Variants in SELENOO observed in about 807,000 individuals in gnomAD.
SELENOO encodes protein adenylyltransferase SelO, mitochondrial.
SELENOO carries 74 observed loss-of-function variants against 58.7 expected under a neutral mutation model. The observed-to-expected ratio is 1.26, with a 90% CI of 1.04 to 1.53. The LOEUF (loss-of-function observed/expected upper bound fraction) is 1.53, where lower values mean the gene tolerates loss of function less well. SELENOO is among the 40% of genes most tolerant of loss of function. The pLI, the probability that SELENOO is intolerant of heterozygous loss-of-function variation, is 0.00. For missense variants in SELENOO, 1,149 were observed against 970.0 expected (o/e 1.18, Z -2.45); for synonymous variants, 543 against 453.2 (o/e 1.20, Z -2.52).
intron 1 of SELENOO, among the ~76,000 whole-genome samples, chr22:50,201,949 A>G (rs754581707): frequency 1.3e-5 from 2 of 152,182 alleles, no homozygotes; most frequent in Non-Finnish European, 2.9e-5. Context: ...TCGCTCTGCG[A>G]CTGACTTCAC....
intron 8 of SELENOO, 35 bp downstream of exon 8, chr22:50,217,163 G>A: frequency 6.2e-7 from 1 of 1,611,050 alleles, no homozygotes; most frequent in South Asian, 1.1e-5. Flanking sequence ...TCCCTGGGAG[G>A]GGGGTCGGCC....
intron 1 of SELENOO, chr22:50,206,040 G>A (rs1049928177): frequency 1.3e-5 from 7 of 524,706 alleles, no homozygotes; most frequent in South Asian, 6.1e-5. Context: ...CTTCTGCTGC[G>A]GAACCCTCGT....
Position 50,206,410 on chromosome 22 carries a change from C to T in SELENOO, c.648C>T (p.Ala216=), listed in dbSNP as rs1030243646. Residue 216 remains alanine (A), a synonymous_variant, in exon 2 of 9, where the codon GCC becomes GCT. Coordinates refer to ENST00000380903, the MANE Select transcript of SELENOO (RefSeq NM_031454.2). The part of the protein sequence containing the change: ...MFHLGVPTTR[A]GACVTSESTV... ...ACCTGGGAGTCCCCACCACACGGGC[C>T]GGCGCCTGCGTCACGTCCGAGTCCA... The T allele has an allele frequency of 8.1e-6, 13 of 1,614,022 alleles. No homozygotes were observed. The highest frequency in any genetic ancestry group is 5.0e-5 in the Admixed American group (3 of 60,002).
intron 5 of SELENOO, among the ~76,000 whole-genome samples, chr22:50,213,925 G>A (rs2064388743): frequency 6.6e-6 from 1 of 152,308 alleles, no homozygotes; most frequent in Non-Finnish European, 1.5e-5. Flanking sequence ...TGGGATTACA[G>A]GCATGAGCCA....
At position 50,208,533 on chromosome 22, in the gene SELENOO, C is replaced by T. The variant is rs759258941; in HGVS notation, c.759-3C>T. ...CTGTTGACGCCTCGGGTCTTCCCTCCAGGTTTGGATCCTTTGAGATTTTTA... is the reference window on the plus strand; with the variant it reads ...CTGTTGACGCCTCGGGTCTTCCCTCTAGGTTTGGATCCTTTGAGATTTTTA... On this transcript the variant is annotated splice_polypyrimidine_tract_variant and splice_region_variant and intron_variant, in intron 2 of 8. Coordinates refer to ENST00000380903, the MANE Select transcript of SELENOO (RefSeq NM_031454.2). The T allele has an allele frequency of 1.9e-6, 3 of 1,611,970 alleles. No individual in the cohort carries two copies. The highest frequency in any genetic ancestry group is 1.1e-5 in the South Asian group (1 of 91,044).
chr22:50,201,846 G>A (rs1190744933), intron 1 of SELENOO, among the ~76,000 whole-genome samples: 1 of 152,226 alleles, frequency 6.6e-6, no homozygotes, highest in African/African-American at 2.4e-5. Context: ...GGCGGGAGCC[G>A]GGATGAGAGG....
chr22:50,215,928 C>A, intron 6 of SELENOO, 61 bp downstream of exon 6: 1 of 1,465,366 alleles, frequency 6.8e-7, no homozygotes, highest in Non-Finnish European at 9.3e-7. Flanking sequence ...TAATCAGAAA[C>A]AGAGGCTGGG....
chr22:50,203,297 A>T (rs1333633070), intron 1 of SELENOO, among the ~76,000 whole-genome samples: 1 of 152,222 alleles, frequency 6.6e-6, no homozygotes, highest in Non-Finnish European at 1.5e-5. Context: ...GAATCACTTG[A>T]GCCCAGGATT....
Position 50,201,138 on chromosome 22 carries a change from G to A in SELENOO, c.102G>A (p.Ser34=). ...SPSPAPRSTL[S]GAAMEPAPRW... The stretch of plus-strand genomic sequence containing the variant: ...CGCCGGCGCCCCGCTCTACGTTGTC[G>A]GGCGCCGCCATGGAGCCCGCGCCTC... The change falls in exon 1 of 9, where the codon TCG becomes TCA. Residue 34 remains serine (S), a synonymous_variant. Coordinates refer to ENST00000380903, the MANE Select transcript of SELENOO (RefSeq NM_031454.2). The A allele has an allele frequency of 7.7e-7, 1 of 1,306,816 alleles. No individual in the cohort carries two copies. The highest frequency in any genetic ancestry group is 9.7e-7 in the Non-Finnish European group (1 of 1,030,540). The allele number at this position is 1,306,816 out of a possible 1,614,324, so 81.0% of individuals were successfully genotyped here.
chr22:50,203,217 AT>A lies in SELENOO; in HGVS notation c.554+1636del, dbSNP rs1009634931. On this transcript the variant is annotated intron_variant, in intron 1 of 8. Coordinates refer to ENST00000380903, the MANE Select transcript of SELENOO (RefSeq NM_031454.2). ...CAAGACCCTGTCTCTTCAAAAAAAT[AT>A]TTTTTTTTATTAGCTGGGCATGGTG... Among the ~76,000 whole-genome samples, 20 of 151,806 alleles carry A rather than the reference AT, an allele frequency of 1.3e-4. 1 individual carries two copies. Among genetic ancestry groups the A allele is most frequent in the Admixed American group, 3.3e-4 (5 of 15,242 alleles).
intron 1 of SELENOO, chr22:50,206,102 G>A (rs1367289203): frequency 1.8e-5 from 11 of 597,114 alleles, no homozygotes; most frequent in Non-Finnish European, 3.0e-5. Flanking sequence ...TTTTACCAGA[G>A]GCTGTGCCGA....
Position 50,217,270 on chromosome 22 carries a change from C to T in SELENOO, c.1911C>T (p.Ala637=), listed in dbSNP as rs757457524. The T allele has an allele frequency of 1.7e-5, 28 of 1,611,996 alleles. No individual in the cohort carries two copies. Among genetic ancestry groups the T allele is most frequent in the African/African-American group, 6.7e-5 (5 of 74,902 alleles). ...YHCEAGAATD[A]EATEADGADG... ...GCGAGGCGGGGGCCGCCACAGACGC[C>T]GAGGCCACGGAAGCCGACGGGGCGG... The change falls in exon 9 of 9, where the codon GCC becomes GCT. Residue 637 remains alanine (A), a synonymous_variant. Coordinates refer to ENST00000380903, the MANE Select transcript of SELENOO (RefSeq NM_031454.2).
intron 5 of SELENOO, among the ~76,000 whole-genome samples, chr22:50,212,778 C>A (rs1457293481): frequency 6.6e-6 from 1 of 150,884 alleles, no homozygotes; most frequent in Non-Finnish European, 1.5e-5. Context: ...GCGCCTGTTT[C>A]TTCAGTCTGT....
In SELENOO at chr22:50,217,031, A is replaced by C. The variant is rs762904906; in HGVS notation, c.1748A>C (p.His583Pro). The C allele has an allele frequency of 2.5e-6, 4 of 1,612,132 alleles. No individual in the cohort carries two copies. In the African/African-American group the frequency reaches 5.3e-5, roughly 22 times the overall value. The change falls in exon 8 of 9, where the codon CAC (histidine) becomes CCC (proline). Residue 583 changes from histidine to proline, a missense_variant. Physicochemically the swap from His to Pro is moderately conservative, Grantham distance 77. Transcript: ENST00000380903. ...AGDAAAWQAE[H>P]VRVMHANNPK... The stretch of plus-strand genomic sequence containing the variant: ...GACGCTGCCGCCTGGCAGGCTGAGC[A>C]CGTGCGCGTGATGCACGCCAACAAC...
Position 50,206,424 on chromosome 22 carries a change from C to A in SELENOO, c.662C>A (p.Thr221Lys). Residue 221 changes from threonine (T) to lysine (K), a missense_variant, in exon 2 of 9, where the codon ACG (threonine) becomes AAG (lysine). Coordinates refer to ENST00000380903, the MANE Select transcript of SELENOO (RefSeq NM_031454.2). ...ACCACACGGGCCGGCGCCTGCGTCA[C>A]GTCCGAGTCCACGGTGGTGCGCGAC... Reference protein sequence around the residue: ...VPTTRAGACVTSESTVVRDVF... With the variant: ...VPTTRAGACVKSESTVVRDVF... 1 of 1,614,198 alleles carries A rather than the reference C, an allele frequency of 6.2e-7. No homozygotes were observed. The highest frequency in any genetic ancestry group is 8.5e-7 in the Non-Finnish European group (1 of 1,180,032).
intron 2 of SELENOO, among the ~76,000 whole-genome samples, chr22:50,207,844 C>CA (rs1281490993): frequency 3.7e-5 from 5 of 134,876 alleles, no homozygotes; most frequent in Non-Finnish European, 6.3e-5. Flanking sequence ...CTCTCCTTTG[C>CA]ATCTCCTCCC....
chr22:50,217,401 T>C lies in SELENOO; in HGVS notation c.*32T>C. On this transcript the variant is annotated 3_prime_UTR_variant, in exon 9 of 9. Transcript: ENST00000380903. ...CGGCACGCTCCACACCCCTGGAGTC[T>C]CCCGAGGCCCCCATGTGCTGCTGAG... 1 of 1,605,164 alleles carries C rather than the reference T, an allele frequency of 6.2e-7. No homozygotes were observed. Among genetic ancestry groups the C allele is most frequent in the Non-Finnish European group, 8.5e-7 (1 of 1,177,558 alleles).
intron 6 of SELENOO, among the ~76,000 whole-genome samples, chr22:50,216,177 A>G (rs187291768): frequency 6.6e-6 from 1 of 152,320 alleles, no homozygotes; most frequent in East Asian, 1.9e-4. Flanking sequence ...TTCCCACACC[A>G]TCTTCCAAAG....
Position 50,210,641 on chromosome 22 carries a change from G to T in SELENOO, c.1081G>T (p.Asp361Tyr). 1 of 1,612,784 alleles carries T rather than the reference G, an allele frequency of 6.2e-7. No homozygotes were observed. The highest frequency in any genetic ancestry group is 8.5e-7 in the Non-Finnish European group (1 of 1,179,826). The change falls in exon 5 of 9, where the codon GAC becomes TAC. Residue 361 changes from aspartate (D) to tyrosine (Y), a missense_variant. By Grantham distance (160) the Asp-to-Tyr change is radical. Transcript: ENST00000380903. Reference protein sequence around the residue: ...PFGFLDRYDPDHVCNASDNTG... With the variant: ...PFGFLDRYDPYHVCNASDNTG... Reference sequence around the variant, plus strand: ...TGCCCCGTGTGGCAGGTACGACCCCGACCACGTGTGCAATGCCTCCGACAA... The same window carrying T: ...TGCCCCGTGTGGCAGGTACGACCCCTACCACGTGTGCAATGCCTCCGACAA...
Sources: gnomAD v4.1 joint callset for allele counts (sites outside exome capture counted in the v4.1 genomes callset) on GRCh38, gnomAD v4.1.1 for gene constraint, MANE v1.5 for transcripts, NCBI Gene and HGNC (gene_info 2026-07-23, HGNC 2026-07-21) for gene names.